The following ELAVL2 variants were observed in gnomAD, a reference collection of about 807,000 sequenced individuals.
ELAVL2 encodes the protein ELAV like RNA binding protein 2, also known as ELAV-like protein 2.
ELAVL2 carries 4 observed loss-of-function variants against 34.6 expected under a neutral mutation model. That is an observed-to-expected ratio of 0.12 (90% confidence interval 0.06 to 0.26). The LOEUF is 0.26. ELAVL2 is among the 10% of genes least tolerant of loss of function. The pLI is 1.00. For synonymous variants in ELAVL2, 193 were observed against 154.8 expected (o/e 1.25, Z -1.83); for missense variants, 432 against 442.8 (o/e 0.98, Z 0.22).
At chr9:23,720,820 C>G (rs1335724647) in intron 3 of ELAVL2, among the ~76,000 whole-genome samples, 1 of 152,150 alleles carries the variant, frequency 6.6e-6, no homozygotes, top group Non-Finnish European at 1.5e-5. Flanking sequence ...CAGGTCAGGC[C>G]ACCATCTGCT....
chr9:23,703,164 C>G (rs2038061866), intron 4 of ELAVL2, among the ~76,000 whole-genome samples: 1 of 152,050 alleles, frequency 6.6e-6, no homozygotes, highest in Admixed American at 6.6e-5. Flanking sequence ...TACTTGAGAA[C>G]CGCTGACTAA....
intron 1 of ELAVL2, among the ~76,000 whole-genome samples, chr9:23,773,839 T>A (rs1409008374): frequency 6.6e-6 from 1 of 152,088 alleles, no homozygotes; most frequent in Non-Finnish European, 1.5e-5. Context: ...TTACAAACTC[T>A]AAGGTGCCAA....
rs372547332 is a variant in ELAVL2, at chr9:23,770,444, T to C, written c.-15-8195A>G. Among the ~76,000 whole-genome samples, 580 of 152,204 alleles carry C rather than the reference T, an allele frequency of 3.8e-3. 46 individuals carry two copies. In the South Asian group the frequency reaches 0.11, roughly 30 times the overall value. On this transcript the variant is annotated intron_variant, in intron 1 of 6. Transcript: ENST00000397312. ...GTTACATGACAAGGGGGAATTAAGA[T>C]TGTAGAATTAAAGCTGCTAATCAGC...
At chr9:23,714,107 T>A (rs2041714800) in intron 3 of ELAVL2, among the ~76,000 whole-genome samples, 1 of 152,202 alleles carries the variant, frequency 6.6e-6, no homozygotes. Context: ...ATTCAGATAA[T>A]GATAGCTCCT....
At chr9:23,769,949 T>G (rs892985336) in intron 1 of ELAVL2, among the ~76,000 whole-genome samples, 6 of 152,152 alleles carry the variant, frequency 3.9e-5, no homozygotes, top group African/African-American at 1.2e-4. Flanking sequence ...GTCCTTCTCT[T>G]CAGTCTAAGT....
intron 1 of ELAVL2, among the ~76,000 whole-genome samples, chr9:23,816,000 A>G (rs2063649552): frequency 6.6e-6 from 1 of 152,200 alleles, no homozygotes; most frequent in East Asian, 1.9e-4. Flanking sequence ...AGTTCTCACT[A>G]GTATAAGAAG....
At chr9:23,789,881 G>A (rs1172761486) in intron 1 of ELAVL2, among the ~76,000 whole-genome samples, 1 of 152,118 alleles carries the variant, frequency 6.6e-6, no homozygotes, top group Non-Finnish European at 1.5e-5. Flanking sequence ...AAGTTTTTAA[G>A]TGTTCTATGC....
At chr9:23,693,358 C>G (rs2033889286) in intron 6 of ELAVL2, 90 bp downstream of exon 6, 2 of 1,511,066 alleles carry the variant, frequency 1.3e-6, no homozygotes, top group Non-Finnish European at 1.8e-6. Flanking sequence ...CCAACAAAAA[C>G]TTATGAGGGG....
chr9:23,718,478 C>G (rs1288606694), intron 3 of ELAVL2, among the ~76,000 whole-genome samples: 1 of 152,070 alleles, frequency 6.6e-6, no homozygotes, highest in Non-Finnish European at 1.5e-5. Context: ...AGAAACTGTA[C>G]CAGTTTTTTA....
chr9:23,702,762 T>C (rs376767656), intron 4 of ELAVL2, among the ~76,000 whole-genome samples: 8 of 151,868 alleles, frequency 5.3e-5, no homozygotes, highest in African/African-American at 1.4e-4. Context: ...TACCACCTGA[T>C]GGCTGAATAA....
At chr9:23,837,032 A>G in the ELAVL2 span, among the ~76,000 whole-genome samples, 1 of 152,212 alleles carries the variant, frequency 6.6e-6, no homozygotes, top group South Asian at 2.1e-4. Context: ...TCAGACTATA[A>G]TATATATGAG....
intron 3 of ELAVL2, among the ~76,000 whole-genome samples, chr9:23,709,545 C>T (rs935568745): frequency 6.6e-5 from 10 of 151,950 alleles, no homozygotes; most frequent in Admixed American, 1.3e-4. Flanking sequence ...TGTTAAGTAT[C>T]TTTTTGGTTC....
At chr9:23,772,782 T>C (rs2057532965) in intron 1 of ELAVL2, among the ~76,000 whole-genome samples, 2 of 152,180 alleles carry the variant, frequency 1.3e-5, no homozygotes, top group African/African-American at 4.8e-5. Context: ...TGTGTTTTTC[T>C]TTTCTGTTGA....
chr9:23,785,042 G>T (rs1196532837), intron 1 of ELAVL2, among the ~76,000 whole-genome samples: 2 of 152,190 alleles, frequency 1.3e-5, no homozygotes, highest in African/African-American at 4.8e-5. Flanking sequence ...GGAAATGACA[G>T]TGATAATAGA....
chr9:23,793,285 G>C (rs2060533166), intron 1 of ELAVL2, among the ~76,000 whole-genome samples: 1 of 152,090 alleles, frequency 6.6e-6, no homozygotes, highest in Non-Finnish European at 1.5e-5. Context: ...ACCAAATCAT[G>C]CCAGGTACTT....
At chr9:23,809,683 C>G (rs2062723507) in intron 1 of ELAVL2, among the ~76,000 whole-genome samples, 2 of 152,002 alleles carry the variant, frequency 1.3e-5, no homozygotes, top group Non-Finnish European at 2.9e-5. Context: ...TTCCAGTGAC[C>G]TCCACAAATT....
intron 1 of ELAVL2, among the ~76,000 whole-genome samples, chr9:23,772,472 T>C (rs2057465022): frequency 1.3e-5 from 2 of 150,678 alleles, no homozygotes; most frequent in African/African-American, 4.9e-5. Context: ...TTCACTGTTA[T>C]TTAGCAGGAC....
At chr9:23,787,080 T>C (rs1169700444) in intron 1 of ELAVL2, among the ~76,000 whole-genome samples, 1 of 152,144 alleles carries the variant, frequency 6.6e-6, no homozygotes, top group Admixed American at 6.5e-5. Context: ...GCAACAGATA[T>C]ATATACGGCA....
chr9:23,723,338 G>A lies in ELAVL2; in HGVS notation c.333+7684C>T, dbSNP rs185704983. ...TCACAAGGACAAAAAACCAAACACC[G>A]CATGTTCTCACTCATAGGTGGGAAC... On this transcript the variant is annotated intron_variant, in intron 3 of 6. Coordinates refer to ENST00000397312, the MANE Select transcript of ELAVL2 (RefSeq NM_004432.5). Among the ~76,000 whole-genome samples, 74 of 151,910 alleles carry A rather than the reference G, an allele frequency of 4.9e-4. 1 individual carries two copies. Among genetic ancestry groups the A allele is most frequent in the East Asian group, 1.6e-3 (8 of 5,146 alleles).
Sources: gnomAD v4.1 joint callset for allele counts (sites outside exome capture counted in the v4.1 genomes callset) on GRCh38, gnomAD v4.1.1 for gene constraint, MANE v1.5 for transcripts, NCBI Gene and HGNC (gene_info 2026-07-23, HGNC 2026-07-21) for gene names.